RPS10: variants seen among roughly 807,000 people sequenced by gnomAD.
RPS10 encodes the protein small ribosomal subunit protein eS10.
A neutral mutation model predicts 22.6 loss-of-function variants in RPS10; 2 were observed. The ratio of observed to expected loss-of-function variants is 0.09; its 90% CI spans 0.04 to 0.28. The LOEUF is 0.28. Ranked by LOEUF, RPS10 falls within the 10% of genes least tolerant of loss-of-function variation. RPS10 has a pLI of 1.00. For missense variants in RPS10, 137 were observed against 222.2 expected, an observed-to-expected ratio of 0.62 and a Z score of 2.44; for synonymous variants, 70 against 75.9, an observed-to-expected ratio of 0.92 and a Z score of 0.40.
rs765697596 is a variant in RPS10, at chr6:34,425,256, G to T, written c.1-35C>A. On this transcript the variant is annotated intron_variant, in intron 1 of 5. Coordinates refer to ENST00000648437, the MANE Select transcript of RPS10 (RefSeq NM_001014.5). ...GGAGACGATTGTCAAGAGCACTTCT[G>T]AGTAACGAGGCCGGGGCCCGGTAAT... 4 of 1,578,364 alleles carry T rather than the reference G, an allele frequency of 2.5e-6. No homozygotes were observed. The East Asian group carries it at 9.2e-5, about 36-fold the overall frequency.
At chr6:34,424,314 ACT>A (rs1293253322) in intron 3 of RPS10, 2 of 307,486 alleles carry the variant, frequency 6.5e-6, no homozygotes, top group East Asian at 1.5e-4. Context: ...AAACTACAAC[ACT>A]CTTGTTTCTT....
At chr6:34,422,719 A>G (rs1410395939) in intron 3 of RPS10, among the ~76,000 whole-genome samples, 2 of 147,854 alleles carry the variant, frequency 1.4e-5, no homozygotes, top group African/African-American at 4.9e-5. Context: ...TTGGCCTCCC[A>G]AAGTGCTGGG....
In RPS10 at chr6:34,425,148, T is replaced by C; in HGVS notation, c.74A>G (p.Lys25Arg). 1 of 1,613,782 alleles carries C rather than the reference T, an allele frequency of 6.2e-7. No homozygotes were observed. Among genetic ancestry groups the C allele is most frequent in the Non-Finnish European group, 8.5e-7 (1 of 1,179,970 alleles). The change falls in exon 2 of 6, where the codon AAG becomes AGG. Residue 25 changes from lysine (K) to arginine (R), a missense_variant. Lys to Arg is a conservative substitution (Grantham distance 26). Transcript: ENST00000648437. ...CGGGTGCTTAGGCATGTGGACATCC[T>C]TCTTGGCCACCATGACTCCCTCCTT... ...LFKEGVMVAKKDVHMPKHPEL... is the reference protein window; with the variant it reads ...LFKEGVMVAKRDVHMPKHPEL...
At chr6:34,419,600 G>A (rs538009007) in intron 4 of RPS10, among the ~76,000 whole-genome samples, 20 of 148,732 alleles carry the variant, frequency 1.3e-4, no homozygotes, top group South Asian at 6.3e-4. Context: ...TTTTTGAGAC[G>A]AAGTCTCACT....
chr6:34,418,571 C>T, intron 4 of RPS10, 147 bp from the exon 5 acceptor site: 1 of 1,260,980 alleles, frequency 7.9e-7, no homozygotes, highest in Non-Finnish European at 1.1e-6. Flanking sequence ...GTGGGGAATA[C>T]CTTCTGAGCC....
At chr6:34,419,739 G>A (rs186459571) in intron 4 of RPS10, among the ~76,000 whole-genome samples, 155 of 151,856 alleles carry the variant, frequency 1.0e-3, no homozygotes, top group Admixed American at 1.8e-3. Flanking sequence ...ACCACGCTTG[G>A]CTAATTTTTT....
At chr6:34,424,520 T>C in intron 3 of RPS10, 149 bp downstream of exon 3, 5 of 1,052,756 alleles carry the variant, frequency 4.7e-6, no homozygotes, top group Non-Finnish European at 7.0e-6. Flanking sequence ...CTATTCCAAG[T>C]CCCAAGCCAT....
intron 5 of RPS10, 69 bp from the exon 6 acceptor site, chr6:34,417,616 T>C: frequency 6.6e-7 from 1 of 1,512,618 alleles, no homozygotes. Context: ...TTTTGCTAAC[T>C]TTCAGGCCTC....
chr6:34,419,887 T>C (rs1765705165), intron 4 of RPS10, among the ~76,000 whole-genome samples: 1 of 152,086 alleles, frequency 6.6e-6, no homozygotes, highest in South Asian at 2.1e-4. Context: ...CCTGATTTAT[T>C]TGAGTTGGTG....
intron 2 of RPS10, 92 bp from the exon 3 acceptor site, chr6:34,424,932 A>G: frequency 6.2e-7 from 1 of 1,607,838 alleles, no homozygotes; most frequent in Non-Finnish European, 8.5e-7. Flanking sequence ...TCAAGTTAGC[A>G]AGCAGCCCCC....
At position 34,424,663 on chromosome 6, in the gene RPS10, C is replaced by A. The variant is rs746434319; in HGVS notation, c.322+6G>T. On this transcript the variant is annotated splice_donor_region_variant and intron_variant, in intron 3 of 5. Coordinates refer to ENST00000648437, the MANE Select transcript of RPS10 (RefSeq NM_001014.5). The stretch of plus-strand genomic sequence containing the variant: ...ATAGCTGAAGGGATTTGTGTGGGAA[C>A]CATACCTTTAGGCCGAGGCCTGCCA... 9 of 1,613,952 alleles carry A rather than the reference C, an allele frequency of 5.6e-6. No homozygotes were observed. The Admixed American group carries it at 1.5e-4, about 27-fold the overall frequency.
intron 5 of RPS10, 87 bp from the exon 6 acceptor site, chr6:34,417,634 C>T (rs1765624079): frequency 2.4e-6 from 3 of 1,267,868 alleles, no homozygotes; most frequent in Non-Finnish European, 3.4e-6. Flanking sequence ...CTCATTATAA[C>T]TCCAGAGGCC....
At position 34,418,291 on chromosome 6, in the gene RPS10, T is replaced by A. The variant is rs1286543115; in HGVS notation, c.456+78A>T. 3.1e-6 allele frequency: 5 copies of A among 1,610,290 alleles called. No individual in the cohort carries two copies. In the African/African-American group the frequency reaches 4.0e-5, roughly 13 times the overall value. ...CAGGACCCACCCATACTATATGACA[T>A]CCCCACAACTTGCAGAGCAACCAGA... On this transcript the variant is annotated intron_variant, in intron 5 of 5. Coordinates refer to ENST00000648437, the MANE Select transcript of RPS10 (RefSeq NM_001014.5).
Position 34,425,129 on chromosome 6 carries a change from C to T in RPS10, c.93G>A (p.Lys31=). Residue 31 remains lysine (K), a synonymous_variant, in exon 2 of 6, where the codon AAG becomes AAA. Coordinates refer to ENST00000648437, the MANE Select transcript of RPS10 (RefSeq NM_001014.5). ...MVAKKDVHMP[K]HPELADKNVP... The stretch of plus-strand genomic sequence containing the variant: ...CATTCTTGTCTGCCAGCTCCGGGTG[C>T]TTAGGCATGTGGACATCCTTCTTGG... 1.2e-6 allele frequency: 2 copies of T among 1,613,336 alleles called. No homozygotes were observed. Among genetic ancestry groups the T allele is most frequent in the Non-Finnish European group, 1.7e-6 (2 of 1,179,940 alleles).
At chr6:34,421,208 T>C (rs1765754464) in intron 4 of RPS10, among the ~76,000 whole-genome samples, 1 of 150,944 alleles carries the variant, frequency 6.6e-6, no homozygotes, top group Non-Finnish European at 1.5e-5. Context: ...CCCCCTATCC[T>C]CGTGCCCAGT....
At chr6:34,422,774 G>C (rs971188574) in intron 3 of RPS10, among the ~76,000 whole-genome samples, 1 of 150,608 alleles carries the variant, frequency 6.6e-6, no homozygotes, top group Non-Finnish European at 1.5e-5. Flanking sequence ...AACTTTAAGA[G>C]CTACCTTAAA....
chr6:34,423,297 T>C (rs1765830698), intron 3 of RPS10, among the ~76,000 whole-genome samples: 2 of 152,050 alleles, frequency 1.3e-5, no homozygotes, highest in African/African-American at 4.8e-5. Flanking sequence ...CCACCATGCC[T>C]GGCTAATTTA....
At chr6:34,421,453 C>T (rs1289772452) in intron 4 of RPS10, among the ~76,000 whole-genome samples, 1 of 151,950 alleles carries the variant, frequency 6.6e-6, no homozygotes, top group African/African-American at 2.4e-5. Context: ...CCCCTCCAAC[C>T]AAAGTGCTGG....
intron 3 of RPS10, chr6:34,424,166 C>CAAAAAAAAAAAAAAAA (rs1765871776): frequency 7.7e-4 from 10 of 12,964 alleles, no homozygotes; most frequent in East Asian, 4.7e-3. Context: ...AAAAAAAAAG[C>CAAAAAAAAAAAAAAAA]AACTGTGAGC....
Sources: gnomAD v4.1 joint callset for allele counts (sites outside exome capture counted in the v4.1 genomes callset) on GRCh38, gnomAD v4.1.1 for gene constraint, MANE v1.5 for transcripts, NCBI Gene and HGNC (gene_info 2026-07-23, HGNC 2026-07-21) for gene names.